The following GLB1 variants were observed in gnomAD, a reference collection of about 807,000 sequenced individuals.
GLB1 encodes the protein beta-galactosidase.
A neutral mutation model predicts 74.0 loss-of-function variants in GLB1; 56 were observed. That is an observed-to-expected ratio of 0.76 (90% CI 0.61 to 0.94). The LOEUF (loss-of-function observed/expected upper bound fraction) is 0.94, where lower values mean the gene tolerates loss of function less well. Among genes scored for constraint, GLB1 ranks in the 40% least tolerant of loss-of-function variants. GLB1 has a pLI of 0.00. For missense variants in GLB1, 787 were observed against 845.5 expected (o/e 0.93, Z 0.86); for synonymous variants, 323 against 323.6 (o/e 1.00, Z 0.02).
At chr3:33,018,354 G>T (rs1421065457) in intron 13 of GLB1, 94 bp downstream of exon 13, 27 of 862,298 alleles carry the variant, frequency 3.1e-5, no homozygotes, top group Non-Finnish European at 4.9e-5. Context: ...GGCTGAAAAG[G>T]TGAGCAAAGA....
intron 1 of GLB1, among the ~76,000 whole-genome samples, chr3:33,087,564 T>G: frequency 7.0e-6 from 1 of 143,884 alleles, no homozygotes; most frequent in African/African-American, 2.6e-5. Flanking sequence ...AGCAAGACCA[T>G]GTCTCAGCAT....
chr3:33,074,896 G>A lies in GLB1; in HGVS notation c.76-2183C>T, dbSNP rs1700053512. 3.3e-5 allele frequency among the ~76,000 whole-genome samples: 5 copies of A among 152,308 alleles called. No individual in the cohort carries two copies. In the South Asian group the frequency reaches 1.0e-3, roughly 32 times the overall value. On this transcript the variant is annotated intron_variant, in intron 1 of 15. Coordinates refer to ENST00000307363, the MANE Select transcript of GLB1 (RefSeq NM_000404.4). ...ATCACACATGCCTGAAATCCAACTG[G>A]CGAGCGGAAGTTAAACAACTCAGAG...
At position 32,997,071 on chromosome 3, in the gene GLB1, T is replaced by C. The variant is rs2125442597; in HGVS notation, c.2008A>G (p.Lys670Glu). The C allele has an allele frequency of 3.7e-6, 6 of 1,614,186 alleles. No homozygotes were observed. The highest frequency in any genetic ancestry group is 5.1e-6 in the Non-Finnish European group (6 of 1,180,022). ...CATACATGGTCCAGCCATGAATCTTTGTTTTTTTGCGGGGGTGGGGGCATG... is the reference window on the plus strand; with the variant it reads ...CATACATGGTCCAGCCATGAATCTTCGTTTTTTTGCGGGGGTGGGGGCATG... ...RLMPPPPQKNKDSWLDHV is the reference protein window; with the variant it reads ...RLMPPPPQKNEDSWLDHV Residue 670 changes from lysine (K) to glutamate (E), a missense_variant, in exon 16 of 16, where the codon AAA (lysine) becomes GAA (glutamate). By Grantham distance (56) the Lys-to-Glu change is moderately conservative. Coordinates refer to ENST00000307363, the MANE Select transcript of GLB1 (RefSeq NM_000404.4).
At chr3:33,026,454 C>T (rs117099373) in intron 10 of GLB1, among the ~76,000 whole-genome samples, 1 of 152,258 alleles carries the variant, frequency 6.6e-6, no homozygotes, top group East Asian at 1.9e-4. Flanking sequence ...GCACAAACAG[C>T]CCGGGCGCCA....
intron 2 of GLB1, among the ~76,000 whole-genome samples, chr3:33,069,667 C>T (rs116104956): frequency 0.012 from 1,837 of 152,274 alleles, 35 homozygotes; most frequent in African/African-American, 0.042. Context: ...ATTCATTGCC[C>T]TTTATGATAC....
At chr3:33,045,821 T>C (rs1698718320) in intron 10 of GLB1, 1 of 1,131,128 alleles carries the variant, frequency 8.8e-7, no homozygotes, top group Admixed American at 3.6e-5. Context: ...GACAGAAATT[T>C]CCCCGGGTGA....
At position 33,093,694 on chromosome 3, in the gene GLB1, G is replaced by C. The variant is rs370221399; in HGVS notation, c.75+3317C>G. On this transcript the variant is annotated intron_variant, in intron 1 of 15. Transcript: ENST00000307363. This position sits in a 1 kb window ranked among gnomAD's most constrained non-coding sequence, Gnocchi z 6.0. ...AGCACAGCAGTCACTCCCACTGCCA[G>C]GGCAGGCCTGAGCACGAGCTTCCTT... 10 of 1,614,072 alleles carry C rather than the reference G, an allele frequency of 6.2e-6. No individual in the cohort carries two copies. The African/African-American group carries it at 1.3e-4, about 22-fold the overall frequency.
At chr3:32,971,489 G>T in the GLB1 span, among the ~76,000 whole-genome samples, 1 of 152,176 alleles carries the variant, frequency 6.6e-6, no homozygotes, top group Admixed American at 6.5e-5. Flanking sequence ...TGCTATGTAC[G>T]TGGAGGAACT....
chr3:33,092,752 G>A, intron 1 of GLB1: 2 of 1,516,112 alleles, frequency 1.3e-6, no homozygotes, highest in East Asian at 2.3e-5. Context: ...AAGGCTGGAG[G>A]GGAAAAGCAG....
intron 10 of GLB1, among the ~76,000 whole-genome samples, chr3:33,039,640 A>C (rs932023685): frequency 6.6e-6 from 1 of 152,230 alleles, no homozygotes; most frequent in Non-Finnish European, 1.5e-5. Flanking sequence ...ACAGGAAAAA[A>C]CGTCTAACAC....
At chr3:32,977,078 G>C in the GLB1 span, among the ~76,000 whole-genome samples, 1 of 152,170 alleles carries the variant, frequency 6.6e-6, no homozygotes, top group South Asian at 2.1e-4. Flanking sequence ...AGGATGGTGA[G>C]ATCGTTCATG....
chr3:33,031,671 ATAT>A (rs1698046847), intron 10 of GLB1, among the ~76,000 whole-genome samples: 1 of 128,852 alleles, frequency 7.8e-6, no homozygotes, highest in South Asian at 2.6e-4. Context: ...ATATATATAT[ATAT>A]AATCTCCACT....
intron 5 of GLB1, 120 bp from the exon 6 acceptor site, chr3:33,058,389 G>A (rs991380174): frequency 2.0e-5 from 29 of 1,415,424 alleles, no homozygotes; most frequent in African/African-American, 1.4e-4. Flanking sequence ...AATGACTGCT[G>A]GAAAAATTTC....
chr3:33,034,907 G>T (rs1698205961), intron 10 of GLB1: 2 of 354,828 alleles, frequency 5.6e-6, no homozygotes, highest in South Asian at 2.5e-5. Flanking sequence ...CTACTGTCCA[G>T]CTGAAAGCAT....
rs951642351 is a variant in GLB1, at chr3:33,034,757, G to T, written c.1069-10432C>A. On this transcript the variant is annotated intron_variant, in intron 10 of 15. Transcript: ENST00000307363. The stretch of plus-strand genomic sequence containing the variant: ...GGTGTGTATCAGTGATGTCAACAAG[G>T]GCCAGGGCTCTGTGTCAGCTTCAGT... 6.0e-6 allele frequency: 4 copies of T among 668,166 alleles called. No homozygotes were observed. In the African/African-American group the frequency reaches 7.1e-5, roughly 12 times the overall value. The allele number at this position is 668,166 out of a possible 1,614,324, so 41.4% of individuals were successfully genotyped here.
At chr3:32,965,941 T>C in the GLB1 span, among the ~76,000 whole-genome samples, 3 of 152,202 alleles carry the variant, frequency 2.0e-5, no homozygotes, top group Non-Finnish European at 4.4e-5. Flanking sequence ...AAGTCAAGAA[T>C]TGAGGTTTGG....
chr3:32,970,761 C>T, the GLB1 span, among the ~76,000 whole-genome samples: 92 of 152,246 alleles, frequency 6.0e-4, no homozygotes, highest in African/African-American at 2.0e-3. Flanking sequence ...AATAATCCTA[C>T]GGCGAAACCT....
chr3:33,060,172 G>A (rs1474240974), intron 5 of GLB1, among the ~76,000 whole-genome samples: 2 of 152,186 alleles, frequency 1.3e-5, no homozygotes, highest in Non-Finnish European at 2.9e-5. Context: ...CCTCCCACAA[G>A]GTTTCATGAA....
intron 1 of GLB1, 170 bp downstream of exon 1, chr3:33,096,841 G>C (rs566906444): frequency 7.3e-7 from 1 of 1,364,512 alleles, no homozygotes; most frequent in Non-Finnish European, 9.4e-7. Context: ...CGCCCCCGAC[G>C]GGAAGGCCGG....
Sources: allele counts gnomAD v4.1 joint callset (sites outside exome capture counted in the v4.1 genomes callset), GRCh38; gene constraint gnomAD v4.1.1; non-coding constraint Gnocchi (gnomAD v3.1); transcripts MANE v1.5; gene names NCBI Gene and HGNC (gene_info 2026-07-23, HGNC 2026-07-21).